SRC: variants seen among roughly 807,000 people sequenced by gnomAD.
SRC encodes SRC proto-oncogene, non-receptor tyrosine kinase.
Under a neutral mutation model 62.9 loss-of-function variants are expected in SRC, and 13 were observed. The ratio of observed to expected loss-of-function variants is 0.21; its 90% confidence interval spans 0.13 to 0.33. The LOEUF (loss-of-function observed/expected upper bound fraction) is 0.33. Ranked by LOEUF, SRC falls within the 10% of genes least tolerant of loss-of-function variation. The probability of loss-of-function intolerance (pLI) is 1.00; values close to 1 mark genes in which losing one functional copy is unlikely to be tolerated. For missense variants in SRC, 457 were observed against 737.3 expected, an observed-to-expected ratio of 0.62 and a Z score of 4.40; for synonymous variants, 302 against 317.5, an observed-to-expected ratio of 0.95 and a Z score of 0.52.
intron 2 of SRC, among the ~76,000 whole-genome samples, chr20:37,378,050 TTTTTTTA>T (rs1404459503): frequency 6.6e-6 from 1 of 151,486 alleles, no homozygotes; most frequent in African/African-American, 2.4e-5. Flanking sequence ...CTCTTTTAGT[TTTTTTTA>T]AAATTATTAT....
rs535251849 is a variant in SRC, at chr20:37,379,732, A to AT, written c.-172-2887_-172-2886insT. ...GAGGAGACTCTGTCTCAAAAAAAAA[A>AT]AATAATAATAATAATTAGCCAGGCG... On this transcript the variant is annotated intron_variant, in intron 2 of 13. Coordinates refer to ENST00000373578, the MANE Select transcript of SRC (RefSeq NM_198291.3). Among the ~76,000 whole-genome samples, 123 of 149,972 alleles carry AT rather than the reference A, an allele frequency of 8.2e-4. 1 individual carries two copies. The highest frequency in any genetic ancestry group is 2.8e-3 in the African/African-American group (116 of 40,710).
At chr20:37,358,333 G>A (rs900694493) in intron 1 of SRC, among the ~76,000 whole-genome samples, 8 of 152,196 alleles carry the variant, frequency 5.3e-5, no homozygotes, top group African/African-American at 1.9e-4. Context: ...TTTGGGAAGG[G>A]GCTGGAGGGC....
At chr20:37,368,755 T>G (rs1400933114) in intron 2 of SRC, among the ~76,000 whole-genome samples, 1 of 151,384 alleles carries the variant, frequency 6.6e-6, no homozygotes, top group Non-Finnish European at 1.5e-5. Context: ...GTTTCACCGT[T>G]TTAGCCGGGA....
In SRC at chr20:37,398,474, G is replaced by A. The variant is rs548789797; in HGVS notation, c.859+620G>A. ...AACCCCGTAAGCCCATGGTGCTAGC[G>A]GGGATCACGGTGCGCTGTTTTCAAG... On this transcript the variant is annotated intron_variant, in intron 9 of 13. Transcript: ENST00000373578. The surrounding 1 kb of genome is among the most constrained non-coding windows in gnomAD (Gnocchi z 5.2). Among the ~76,000 whole-genome samples the A allele has an allele frequency of 7.9e-5, 12 of 152,324 alleles. No individual in the cohort carries two copies. In the South Asian group the frequency reaches 1.9e-3, roughly 24 times the overall value.
At chr20:37,393,692 A>C (rs1320431364) in intron 5 of SRC, 1 of 562,438 alleles carries the variant, frequency 1.8e-6, no homozygotes, top group African/African-American at 1.9e-5. Context: ...CAGCTTTGGC[A>C]AAAAGGCGTC....
rs761072453 is a variant in SRC, at chr20:37,384,216, C to G, written c.63C>G (p.Ala21=). ...AGCGGCGCCGCAGCCTGGAGCCCGCCGAGAACGTGCACGGCGCTGGCGGGG... is the reference window on the plus strand; with the variant it reads ...AGCGGCGCCGCAGCCTGGAGCCCGCGGAGAACGTGCACGGCGCTGGCGGGG... ...ASQRRRSLEP[A]ENVHGAGGGA... Residue 21 remains alanine (A), a synonymous_variant, in exon 4 of 14, where the codon GCC becomes GCG. Coordinates refer to ENST00000373578, the MANE Select transcript of SRC (RefSeq NM_198291.3). This position sits in a 1 kb window ranked among gnomAD's most constrained non-coding sequence, Gnocchi z 6.7. The G allele has an allele frequency of 1.9e-6, 3 of 1,595,670 alleles. No homozygotes were observed. The highest frequency in any genetic ancestry group is 2.3e-5 in the East Asian group (1 of 43,156).
intron 5 of SRC, among the ~76,000 whole-genome samples, chr20:37,386,777 C>T (rs963917295): frequency 2.0e-5 from 3 of 152,244 alleles, no homozygotes; most frequent in Non-Finnish European, 2.9e-5. Flanking sequence ...GCATGCAGGA[C>T]CCAGTGCTGT....
rs147557753 is a variant in SRC, at chr20:37,348,076, G to T, written c.-247+1821G>T. On this transcript the variant is annotated intron_variant, in intron 1 of 13. Transcript: ENST00000373578. ...TGACTGCCTGCCTAGGCCCTCCCGC[G>T]TGCCCCTGGGCCTTTGCTCCTAAAC... 5.2e-3 allele frequency among the ~76,000 whole-genome samples: 785 copies of T among 152,226 alleles called. 2 individuals are homozygous for T. The highest frequency in any genetic ancestry group is 5.7e-3 in the Non-Finnish European group (390 of 68,012).
At chr20:37,371,758 A>G (rs2146983957) in intron 2 of SRC, among the ~76,000 whole-genome samples, 1 of 152,144 alleles carries the variant, frequency 6.6e-6, no homozygotes, top group African/African-American at 2.4e-5. Flanking sequence ...CTAGAGTGCA[A>G]TGGTGTGATC....
In SRC at chr20:37,405,352, G is replaced by A. The variant is rs569895947; in HGVS notation, c.*1973G>A. ...CAAGGCCCAGACTTGCGGGGGGTGG[G>A]GGGGTATCCAGAATTGGTTGTAAAT... On this transcript the variant is annotated 3_prime_UTR_variant, in exon 14 of 14. Coordinates refer to ENST00000373578, the MANE Select transcript of SRC (RefSeq NM_198291.3). 1 of 188,684 alleles carries A rather than the reference G, an allele frequency of 5.3e-6. No individual in the cohort carries two copies. The highest frequency in any genetic ancestry group is 1.1e-5 in the Non-Finnish European group (1 of 90,608). 11.7% of individuals were successfully genotyped at this position (188,684 alleles called of 1,614,324 possible). A position where few individuals can be genotyped will look rare whatever the true frequency, so the allele number is the denominator to read the frequency against.
Position 37,397,838 on chromosome 20 carries a change from T to C in SRC, c.843T>C (p.Phe281=). The C allele has an allele frequency of 1.2e-6, 2 of 1,610,752 alleles. No individual in the cohort carries two copies. The highest frequency in any genetic ancestry group is 2.1e-4 in the Middle Eastern group (1 of 4,754). ...AGGTCAAGCTGGGCCAGGGCTGCTT[T>C]GGCGAGGTGTGGATGGGTAAGGCCT... The part of the protein sequence containing the change: ...RLEVKLGQGC[F]GEVWMGTWNG... Residue 281 remains phenylalanine (F), a synonymous_variant, in exon 9 of 14, where the codon TTT becomes TTC. Transcript: ENST00000373578. The surrounding 1 kb of genome is among the most constrained non-coding windows in gnomAD (Gnocchi z 4.1).
intron 9 of SRC, among the ~76,000 whole-genome samples, chr20:37,399,385 C>G (rs2070705119): frequency 1.3e-5 from 2 of 152,154 alleles, no homozygotes; most frequent in South Asian, 4.1e-4. Flanking sequence ...CCTGGGCCAG[C>G]TCCACATCAC....
Position 37,397,955 on chromosome 20 carries a change from A to T in SRC, c.859+101A>T. On this transcript the variant is annotated intron_variant, in intron 9 of 13. Transcript: ENST00000373578. This position sits in a 1 kb window ranked among gnomAD's most constrained non-coding sequence, Gnocchi z 4.1. ...CTTTGCCTTTAGCTGCCTCTGCTGG[A>T]TGACGGGGCCCTGTTGTAAATCTGG... The T allele has an allele frequency of 1.4e-6, 2 of 1,383,854 alleles. No homozygotes were observed. The highest frequency in any genetic ancestry group is 1.9e-6 in the Non-Finnish European group (2 of 1,039,346). 85.7% of individuals were successfully genotyped at this position (1,383,854 alleles called of 1,614,324 possible). A position where few individuals can be genotyped will look rare whatever the true frequency, so the allele number is the denominator to read the frequency against.
At chr20:37,352,155 C>T (rs1005038108) in intron 1 of SRC, among the ~76,000 whole-genome samples, 3 of 152,214 alleles carry the variant, frequency 2.0e-5, no homozygotes, top group Non-Finnish European at 4.4e-5. Flanking sequence ...CTCAGTTTCC[C>T]CATCTGTGAA....
At chr20:37,369,065 C>T (rs531871830) in intron 2 of SRC, among the ~76,000 whole-genome samples, 2 of 152,304 alleles carry the variant, frequency 1.3e-5, no homozygotes, top group East Asian at 3.9e-4. Flanking sequence ...TAAGTCTACA[C>T]TTATACCAGT....
chr20:37,403,516 T>C lies in SRC; in HGVS notation c.*137T>C, dbSNP rs981654134. On this transcript the variant is annotated 3_prime_UTR_variant, in exon 14 of 14. Coordinates refer to ENST00000373578, the MANE Select transcript of SRC (RefSeq NM_198291.3). This position sits in a 1 kb window ranked among gnomAD's most constrained non-coding sequence, Gnocchi z 7.1. ...GAATTGCCAGGGGCGAGGCCCTTCC[T>C]CTTTGGTGGCATGGAAGGGGCTTCT... The C allele has an allele frequency of 1.9e-6, 2 of 1,031,034 alleles. No homozygotes were observed. Among genetic ancestry groups the C allele is most frequent in the Non-Finnish European group, 2.7e-6 (2 of 727,362 alleles). The allele number at this position is 1,031,034 out of a possible 1,614,324, so 63.9% of individuals were successfully genotyped here. A position where few individuals can be genotyped will look rare whatever the true frequency, so the allele number is the denominator to read the frequency against.
rs142589251 is a variant in SRC at position 37,393,513 on chromosome 20, C to T, written c.351-382C>T. On this transcript the variant is annotated intron_variant, in intron 5 of 13. Transcript: ENST00000373578. The stretch of plus-strand genomic sequence containing the variant: ...TTACAACCTTACTTGCCCGCAGAGA[C>T]AGGGGGTTCCCTCCCTCCCTCCCAA... Among the ~76,000 whole-genome samples the T allele has an allele frequency of 6.2e-3, 946 of 152,352 alleles. 5 individuals are homozygous for T. Among genetic ancestry groups the T allele is most frequent in the Non-Finnish European group, 9.2e-3 (624 of 68,034 alleles).
chr20:37,396,131 G>A lies in SRC; in HGVS notation c.554-31G>A. 1 of 1,605,932 alleles carries A rather than the reference G, an allele frequency of 6.2e-7. No individual in the cohort carries two copies. Among genetic ancestry groups the A allele is most frequent in the Non-Finnish European group, 8.5e-7 (1 of 1,177,914 alleles). ...AGCGGCCTGCGGGGGGAGAGGGCAT[G>A]GCGGTCACGGCTCCCCTCGGTGCCC... On this transcript the variant is annotated intron_variant, in intron 7 of 13. Transcript: ENST00000373578. The surrounding 1 kb of genome is among the most constrained non-coding windows in gnomAD (Gnocchi z 6.1).
chr20:37,362,691 CG>C (rs1339985131), intron 1 of SRC, among the ~76,000 whole-genome samples: 1 of 141,674 alleles, frequency 7.1e-6, no homozygotes, highest in Non-Finnish European at 1.6e-5. Context: ...CACCCCGTTA[CG>C]GGGCGGCCTG....
Sources: allele counts gnomAD v4.1 joint callset (sites outside exome capture counted in the v4.1 genomes callset), GRCh38; gene constraint gnomAD v4.1.1; non-coding constraint Gnocchi (gnomAD v3.1); transcripts MANE v1.5; gene names NCBI Gene and HGNC (gene_info 2026-07-23, HGNC 2026-07-21).